The following SYN3 variants were observed in gnomAD, a reference collection of about 807,000 sequenced individuals.
The protein encoded by SYN3 is synapsin-3.
In SYN3, 35 loss-of-function variants were observed where a neutral mutation model predicts 65.8. That is an observed-to-expected ratio of 0.53 (90% CI 0.41 to 0.70). SYN3 has a LOEUF of 0.70. Among genes scored for constraint, SYN3 ranks in the 30% least tolerant of loss-of-function variants. The pLI, the probability that SYN3 is intolerant of heterozygous loss-of-function variation, is 0.00. For missense variants in SYN3, 680 were observed against 749.0 expected (o/e 0.91, Z 1.08); for synonymous variants, 270 against 292.9 (o/e 0.92, Z 0.80).
intron 6 of SYN3, among the ~76,000 whole-genome samples, chr22:32,791,209 C>T (rs1301727645): frequency 6.6e-6 from 1 of 152,224 alleles, no homozygotes; most frequent in Non-Finnish European, 1.5e-5. Context: ...TGGCACATAG[C>T]AGCGCTCAGT....
At chr22:32,588,915 C>T (rs1251948625) in intron 7 of SYN3, among the ~76,000 whole-genome samples, 3 of 152,234 alleles carry the variant, frequency 2.0e-5, no homozygotes, top group Non-Finnish European at 4.4e-5. Flanking sequence ...CTCACCAGTA[C>T]ATGCCAGTTT....
At chr22:32,994,590 C>T (rs1483155009) in intron 2 of SYN3, among the ~76,000 whole-genome samples, 1 of 152,146 alleles carries the variant, frequency 6.6e-6, no homozygotes, top group African/African-American at 2.4e-5. Context: ...GGATTTTGTT[C>T]CTCAGAGCCA....
chr22:32,673,155 C>T (rs1035434873), intron 6 of SYN3, among the ~76,000 whole-genome samples: 2 of 152,246 alleles, frequency 1.3e-5, no homozygotes, highest in Non-Finnish European at 2.9e-5. Context: ...AAGTAGGTTT[C>T]TTGGGATTAA....
intron 6 of SYN3, among the ~76,000 whole-genome samples, chr22:32,849,819 C>G (rs1019838790): frequency 6.6e-6 from 1 of 152,066 alleles, no homozygotes; most frequent in African/African-American, 2.4e-5. Context: ...CTTGTTAGCT[C>G]GTAACCATGA....
chr22:32,764,734 A>T (rs890896177), intron 6 of SYN3, among the ~76,000 whole-genome samples: 1 of 152,144 alleles, frequency 6.6e-6, no homozygotes, highest in African/African-American at 2.4e-5. Flanking sequence ...TGCAAATTCT[A>T]TCTCCTGACT....
intron 6 of SYN3, among the ~76,000 whole-genome samples, chr22:32,697,418 C>A (rs2060751215): frequency 6.6e-6 from 1 of 152,152 alleles, no homozygotes; most frequent in Non-Finnish European, 1.5e-5. Context: ...TTATATCTAT[C>A]CTGTTGGGTT....
intron 1 of SYN3, among the ~76,000 whole-genome samples, chr22:33,018,751 C>T (rs1035111384): frequency 3.9e-5 from 6 of 152,158 alleles, no homozygotes; most frequent in African/African-American, 1.4e-4. Flanking sequence ...CATTGACACC[C>T]CAAACTTCTT....
chr22:32,658,088 G>A (rs1255729507), intron 6 of SYN3, among the ~76,000 whole-genome samples: 1 of 152,150 alleles, frequency 6.6e-6, no homozygotes, highest in Non-Finnish European at 1.5e-5. Context: ...CTGAGGGGGA[G>A]GAGAGAGAAA....
chr22:32,715,748 C>T (rs963481665), intron 6 of SYN3, among the ~76,000 whole-genome samples: 2 of 143,866 alleles, frequency 1.4e-5, no homozygotes, highest in Non-Finnish European at 3.0e-5. Context: ...CACTGCACTC[C>T]TGCCTGGGTG....
chr22:32,994,613 A>G (rs971399621), intron 2 of SYN3, among the ~76,000 whole-genome samples: 4 of 152,172 alleles, frequency 2.6e-5, no homozygotes, highest in African/African-American at 9.7e-5. Context: ...TGTCTTCAAC[A>G]GAGAGTTGTG....
intron 4 of SYN3, among the ~76,000 whole-genome samples, chr22:32,876,464 A>G (rs1461074192): frequency 6.6e-6 from 1 of 152,212 alleles, no homozygotes; most frequent in East Asian, 1.9e-4. Context: ...AGAAGGAGTA[A>G]GTCAACAAAT....
chr22:32,512,396 C>T lies in SYN3; in HGVS notation c.*1296G>A, dbSNP rs2057700488. On this transcript the variant is annotated 3_prime_UTR_variant, in exon 14 of 14. Transcript: ENST00000358763. ...GGGACCAGGAGGCTGCTTCTGGCAC[C>T]TACAATGTTTCCAGCACCAGGTGCT... Among the ~76,000 whole-genome samples, 1 of 152,198 alleles carries T rather than the reference C, an allele frequency of 6.6e-6. No homozygotes were observed. Among genetic ancestry groups the T allele is most frequent in the African/African-American group, 2.4e-5 (1 of 41,442 alleles).
At chr22:32,679,138 C>T (rs1445109631) in intron 6 of SYN3, among the ~76,000 whole-genome samples, 3 of 149,504 alleles carry the variant, frequency 2.0e-5, no homozygotes, top group Non-Finnish European at 4.4e-5. Context: ...CTGCAACCTC[C>T]GCCTCCCAAA....
At chr22:32,865,717 G>A (rs1033871328) in intron 5 of SYN3, among the ~76,000 whole-genome samples, 2 of 152,146 alleles carry the variant, frequency 1.3e-5, no homozygotes, top group Non-Finnish European at 2.9e-5. Flanking sequence ...TACTGTCTCC[G>A]GAGCTCAAAG....
chr22:32,737,442 A>C (rs557103363), intron 6 of SYN3, among the ~76,000 whole-genome samples: 1 of 152,106 alleles, frequency 6.6e-6, no homozygotes, highest in Non-Finnish European at 1.5e-5. Context: ...CCTTAGGTAT[A>C]TCTCCTAATG....
At chr22:32,805,583 C>A (rs944950600) in intron 6 of SYN3, among the ~76,000 whole-genome samples, 2 of 152,076 alleles carry the variant, frequency 1.3e-5, no homozygotes, top group Admixed American at 1.3e-4. Flanking sequence ...TTAGGCCCCT[C>A]CTGGTTGCAC....
intron 3 of SYN3, among the ~76,000 whole-genome samples, chr22:32,941,536 G>A (rs2050938245): frequency 1.3e-5 from 2 of 150,672 alleles, no homozygotes; most frequent in Admixed American, 6.6e-5. Context: ...GCAGAAGATG[G>A]GTGATTTCTG....
chr22:32,990,310 ATCCATCC>A (rs1173551023), intron 2 of SYN3, among the ~76,000 whole-genome samples: 10 of 94,694 alleles, frequency 1.1e-4, no homozygotes, highest in African/African-American at 4.0e-4. Context: ...GAATCCATCC[ATCCATCC>A]ATCCATCCAT....
Position 32,596,731 on chromosome 22 carries a change from T to C in SYN3, c.717A>G (p.Thr239=). 1 of 1,613,866 alleles carries C rather than the reference T, an allele frequency of 6.2e-7. No individual in the cohort carries two copies. The highest frequency in any genetic ancestry group is 2.2e-5 in the East Asian group (1 of 44,868). Residue 239 remains threonine, a synonymous_variant, in exon 7 of 14, where the codon ACA becomes ACG. Coordinates refer to ENST00000358763, the MANE Select transcript of SYN3 (RefSeq NM_003490.4). The stretch of plus-strand genomic sequence containing the variant: ...TGACTACCACCGGGAAGTGTGGGGC[T>C]GTGACCTGAAAGAGACAAGAAGAAG... ...TFFPNHKPMV[T]APHFPVVVKL...
Sources: allele counts gnomAD v4.1 joint callset (sites outside exome capture counted in the v4.1 genomes callset), GRCh38; gene constraint gnomAD v4.1.1; transcripts MANE v1.5; gene names NCBI Gene and HGNC (gene_info 2026-07-23, HGNC 2026-07-21).